The following PPP4R1 variants were observed in gnomAD, a reference collection of about 807,000 sequenced individuals.
The protein encoded by PPP4R1 is protein phosphatase 4 regulatory subunit 1.
PPP4R1 carries 42 observed loss-of-function variants against 111.2 expected under a neutral mutation model. That is an observed-to-expected ratio of 0.38 (90% CI 0.29 to 0.49). The LOEUF is 0.49. Among genes scored for constraint, PPP4R1 ranks in the 20% least tolerant of loss-of-function variants. The probability of loss-of-function intolerance (pLI) is 0.97; values close to 1 mark genes in which losing one functional copy is unlikely to be tolerated. For missense variants in PPP4R1, 1,012 were observed against 1,161.6 expected (o/e 0.87, Z 1.87); for synonymous variants, 409 against 405.5 (o/e 1.01, Z -0.10).
intron 2 of PPP4R1, among the ~76,000 whole-genome samples, chr18:9,608,065 T>C (rs2067515434): frequency 6.6e-6 from 1 of 152,162 alleles, no homozygotes; most frequent in Admixed American, 6.5e-5. Context: ...ATTACAGGCA[T>C]AAGCCACCGC....
rs766101986 is a variant in PPP4R1 at position 9,583,155 on chromosome 18, C to T, written c.880G>A (p.Ala294Thr). 1 of 1,611,776 alleles carries T rather than the reference C, an allele frequency of 6.2e-7. No individual in the cohort carries two copies. Among genetic ancestry groups the T allele is most frequent in the South Asian group, 1.1e-5 (1 of 90,828 alleles). The change falls in exon 9 of 20, where the codon GCA becomes ACA. Residue 294 changes from alanine (A) to threonine (T), a missense_variant. This residue lies in a region of PPP4R1 where 707 missense variants were observed against 742.1 expected (regional missense o/e 0.95). Transcript: ENST00000400556. ...CQEIRRTKLS[A>T]LFINLISDPS... ...TCACTGATCAAATTAATAAAAAGTG[C>T]TGATAATTTGGTCCGTCGGATTTCT...
chr18:9,613,378 A>G (rs1307596042), intron 2 of PPP4R1: 3 of 152,230 alleles, frequency 2.0e-5, no homozygotes, highest in African/African-American at 7.2e-5. Flanking sequence ...TGTCTTTTCT[A>G]TCGTGACCCA....
intron 9 of PPP4R1, among the ~76,000 whole-genome samples, chr18:9,579,929 A>G (rs1366852420): frequency 6.6e-5 from 10 of 152,188 alleles, no homozygotes; most frequent in African/African-American, 2.4e-4. Flanking sequence ...GAACAGCTGT[A>G]TATCTCTAAA....
chr18:9,580,185 G>GA (rs2067003574), intron 9 of PPP4R1, among the ~76,000 whole-genome samples: 2 of 152,264 alleles, frequency 1.3e-5, no homozygotes, highest in South Asian at 4.1e-4. Flanking sequence ...TGCCATGACG[G>GA]TGTGAGGAGC....
Position 9,584,523 on chromosome 18 carries a change from C to G in PPP4R1, c.751G>C (p.Glu251Gln). ...ATATCTGCAATACTTACCAACATTTCTTCAGTAGCTTGCTGGCCAACTACA... is the reference window on the plus strand; with the variant it reads ...ATATCTGCAATACTTACCAACATTTGTTCAGTAGCTTGCTGGCCAACTACA... The part of the protein sequence containing the change: ...CSVVGQQATE[E>Q]MLLPRFFQLC... Residue 251 changes from glutamate (E) to glutamine (Q), a missense_variant, in exon 8 of 20, where the codon GAA becomes CAA. Physicochemically the swap from Glu to Gln is conservative, Grantham distance 29. Coordinates refer to ENST00000400556, the MANE Select transcript of PPP4R1 (RefSeq NM_001042388.3). The G allele has an allele frequency of 1.2e-6, 2 of 1,613,042 alleles. No homozygotes were observed. Among genetic ancestry groups the G allele is most frequent in the Non-Finnish European group, 1.7e-6 (2 of 1,179,568 alleles).
intron 8 of PPP4R1, among the ~76,000 whole-genome samples, chr18:9,584,155 G>C (rs371473701): frequency 5.9e-5 from 9 of 152,194 alleles, no homozygotes; most frequent in African/African-American, 2.2e-4. Context: ...TCAAGTATAG[G>C]CATCTTGTGT....
intron 12 of PPP4R1, chr18:9,562,851 G>C (rs1318656830): frequency 1.0e-6 from 1 of 984,532 alleles, no homozygotes; most frequent in Non-Finnish European, 1.2e-6. Context: ...AGATGCAGCA[G>C]GAAATTAGGG....
At chr18:9,583,464 T>A (rs548754675) in intron 8 of PPP4R1, among the ~76,000 whole-genome samples, 189 bp from the exon 9 acceptor site, 202 of 152,242 alleles carry the variant, frequency 1.3e-3, no homozygotes, top group African/African-American at 4.7e-3. Flanking sequence ...CCTCCTGGGT[T>A]CCAGCAATTC....
chr18:9,563,556 G>C lies in PPP4R1; in HGVS notation c.1574-6C>G. 1 of 1,569,398 alleles carries C rather than the reference G, an allele frequency of 6.4e-7. No homozygotes were observed. Among genetic ancestry groups the C allele is most frequent in the Non-Finnish European group, 8.7e-7 (1 of 1,153,840 alleles). On this transcript the variant is annotated splice_region_variant and splice_polypyrimidine_tract_variant and intron_variant, in intron 11 of 19. Transcript: ENST00000400556. ...GGACAGCACTTCCACTTGTGCTACA[G>C]GCAAAATAAGGAAATGGACAAAGTG...
At chr18:9,561,713 T>C (rs2066680523) in intron 13 of PPP4R1, among the ~76,000 whole-genome samples, 1 of 152,336 alleles carries the variant, frequency 6.6e-6, no homozygotes, top group East Asian at 1.9e-4. Flanking sequence ...TGTATGTTTA[T>C]GTGCCCATGA....
chr18:9,605,002 C>T (rs775914411), intron 2 of PPP4R1, among the ~76,000 whole-genome samples: 1 of 152,086 alleles, frequency 6.6e-6, no homozygotes, highest in Non-Finnish European at 1.5e-5. Context: ...TTAATTCGTA[C>T]AAACTTTTAT....
rs1376258743 is a variant in PPP4R1 at position 9,563,568 on chromosome 18, A to T, written c.1574-18T>A. The T allele has an allele frequency of 1.3e-6, 2 of 1,552,818 alleles. No individual in the cohort carries two copies. The highest frequency in any genetic ancestry group is 1.8e-6 in the Non-Finnish European group (2 of 1,139,732). On this transcript the variant is annotated intron_variant, in intron 11 of 19. Coordinates refer to ENST00000400556, the MANE Select transcript of PPP4R1 (RefSeq NM_001042388.3). ...CACTTGTGCTACAGGCAAAATAAGG[A>T]AATGGACAAAGTGAGAAACACAATT...
rs78987673 is a variant in PPP4R1 at position 9,561,562 on chromosome 18, C to T, written c.1842+418G>A. Reference sequence around the variant, plus strand: ...TCCCTGCAGCTTGTTACTGATGGCACTTTAAAATTTTCGTATTTTTTCATA... The same window carrying T: ...TCCCTGCAGCTTGTTACTGATGGCATTTTAAAATTTTCGTATTTTTTCATA... On this transcript the variant is annotated intron_variant, in intron 13 of 19. Coordinates refer to ENST00000400556, the MANE Select transcript of PPP4R1 (RefSeq NM_001042388.3). 1.8e-4 allele frequency among the ~76,000 whole-genome samples: 27 copies of T among 152,232 alleles called. 1 individual carries two copies. In the East Asian group the frequency reaches 5.2e-3, roughly 29 times the overall value.
intron 14 of PPP4R1, among the ~76,000 whole-genome samples, 166 bp from the exon 15 acceptor site, chr18:9,557,548 G>A (rs534410795): frequency 1.1e-4 from 16 of 152,222 alleles, no homozygotes; most frequent in Non-Finnish European, 2.2e-4. Flanking sequence ...ATCGAAAAGT[G>A]TAACAGAAAC....
At chr18:9,578,460 A>C (rs1481014001) in intron 9 of PPP4R1, among the ~76,000 whole-genome samples, 4 of 151,922 alleles carry the variant, frequency 2.6e-5, no homozygotes, top group African/African-American at 9.7e-5. Context: ...ACTGGTCTTG[A>C]ACTCCTAGCC....
rs770810782 is a variant in PPP4R1 at position 9,570,173 on chromosome 18, A to T, written c.1557T>A (p.Asp519Glu). 4.0e-6 allele frequency: 6 copies of T among 1,518,608 alleles called. No homozygotes were observed. The highest frequency in any genetic ancestry group is 4.4e-6 in the Non-Finnish European group (5 of 1,134,098). 94.1% of individuals were successfully genotyped at this position (1,518,608 alleles called of 1,614,324 possible). Reference sequence around the variant, plus strand: ...CTTCCATACCTTTAACATCTGGATCATCAATGTGGGGCTCTAGATTTTCTA... The same window carrying T: ...CTTCCATACCTTTAACATCTGGATCTTCAATGTGGGGCTCTAGATTTTCTA... Reference protein sequence around the residue: ...EMIENLEPHIDDPDVKAQVEV... With the variant: ...EMIENLEPHIEDPDVKAQVEV... The change falls in exon 11 of 20, where the codon GAT becomes GAA. Residue 519 changes from aspartate (D) to glutamate (E), a missense_variant. Around this residue, in one of 2 missense-constraint regions of PPP4R1, gnomAD observed 707 missense variants for 742.1 expected, o/e 0.95. Transcript: ENST00000400556.
At chr18:9,548,438 C>T (rs1319546959) in intron 19 of PPP4R1, among the ~76,000 whole-genome samples, 2 of 152,070 alleles carry the variant, frequency 1.3e-5, no homozygotes, top group Admixed American at 6.6e-5. Flanking sequence ...AAATAAACCA[C>T]CTTTAATCTT....
At chr18:9,569,257 T>C (rs1355593747) in intron 11 of PPP4R1, among the ~76,000 whole-genome samples, 1 of 150,780 alleles carries the variant, frequency 6.6e-6, no homozygotes, top group Non-Finnish European at 1.5e-5. Context: ...TAAACTTAAG[T>C]TGGTAAATAA....
At position 9,603,505 on chromosome 18, in the gene PPP4R1, A is replaced by C. The variant is rs1336995867; in HGVS notation, c.53-8352T>G. On this transcript the variant is annotated intron_variant, in intron 2 of 19. Transcript: ENST00000400556. Reference sequence around the variant, plus strand: ...ATATTAACGGGAAATTCAAATTTTTAATTTCTTTTTATTTTTTAATTTTTG... The same window carrying C: ...ATATTAACGGGAAATTCAAATTTTTCATTTCTTTTTATTTTTTAATTTTTG... Among the ~76,000 whole-genome samples, 5 of 152,104 alleles carry C rather than the reference A, an allele frequency of 3.3e-5. No homozygotes were observed. In the East Asian group the frequency reaches 9.6e-4, roughly 29 times the overall value.
Sources: gnomAD v4.1 joint callset for allele counts (sites outside exome capture counted in the v4.1 genomes callset) on GRCh38, gnomAD v4.1.1 for gene constraint, gnomAD v4.1.1 regional missense constraint, MANE v1.5 for transcripts, NCBI Gene and HGNC (gene_info 2026-07-23, HGNC 2026-07-21) for gene names.